The following ROCK2 variants were observed in gnomAD, a reference collection of about 807,000 sequenced individuals.
ROCK2 encodes the protein rho-associated protein kinase 2.
In ROCK2, 61 loss-of-function variants were observed where a neutral mutation model predicts 195.1. The observed-to-expected ratio is 0.31, with a 90% CI of 0.25 to 0.39. The LOEUF is 0.39. Ranked by LOEUF, ROCK2 falls within the 10% of genes least tolerant of loss-of-function variation. The pLI is 1.00. For missense variants in ROCK2, 1,109 were observed against 1,637.4 expected, an observed-to-expected ratio of 0.68 and a Z score of 5.57; for synonymous variants, 504 against 545.5, an observed-to-expected ratio of 0.92 and a Z score of 1.06.
chr2:11,344,546 C>G lies in ROCK2; in HGVS notation c.-410G>C. 1.0e-6 allele frequency: 1 copy of G among 966,634 alleles called. No homozygotes were observed. The highest frequency in any genetic ancestry group is 1.2e-6 in the Non-Finnish European group (1 of 813,908). The allele number at this position is 966,634 out of a possible 1,614,324, so 59.9% of individuals were successfully genotyped here. A position where few individuals can be genotyped will look rare whatever the true frequency, so the allele number is the denominator to read the frequency against. ...AAGCCCAGGCCTGGGCCACTACGGC[C>G]GCCGCCGGCCCGCTGCCATGGTCGC... On this transcript the variant is annotated 5_prime_UTR_variant, in exon 1 of 33. Coordinates refer to ENST00000315872, the MANE Select transcript of ROCK2 (RefSeq NM_004850.5). This position sits in a 1 kb window ranked among gnomAD's most constrained non-coding sequence, Gnocchi z 5.4.
chr2:11,272,322 C>G (rs1031736579), intron 3 of ROCK2, among the ~76,000 whole-genome samples: 1 of 152,114 alleles, frequency 6.6e-6, no homozygotes, highest in Admixed American at 6.5e-5. Context: ...AAGGTAAATA[C>G]ACACACAATT....
intron 3 of ROCK2, among the ~76,000 whole-genome samples, chr2:11,282,236 A>G (rs1042945165): frequency 6.6e-6 from 1 of 152,104 alleles, no homozygotes; most frequent in Non-Finnish European, 1.5e-5. Context: ...TTGTAGTCCC[A>G]GCTACTCGAG....
intron 1 of ROCK2, among the ~76,000 whole-genome samples, chr2:11,293,986 T>C (rs1667435830): frequency 6.6e-6 from 1 of 152,012 alleles, no homozygotes; most frequent in African/African-American, 2.4e-5. Flanking sequence ...GTGAAACTTG[T>C]CTCTACTAAA....
Position 11,287,709 on chromosome 2 carries a change from A to C in ROCK2, c.169T>G (p.Leu57Val). Residue 57 changes from leucine (L) to valine (V), a missense_variant, in exon 2 of 33, where the codon TTA becomes GTA. Around this residue, in one of 6 missense-constraint regions of ROCK2, gnomAD observed 253 missense variants for 455.5 expected, o/e 0.56. Coordinates refer to ENST00000315872, the MANE Select transcript of ROCK2 (RefSeq NM_004850.5). ...TTTTTCCTCAAAGCAGGAAAATCTA[A>C]ATCAAGGACCAAGGAATTTAAGCCA... ...LDGLNSLVLD[L>V]DFPALRKNKN... is the part of the protein sequence containing the mutation. 7.5e-7 allele frequency: 1 copy of C among 1,331,920 alleles called. No individual in the cohort carries two copies. Among genetic ancestry groups the C allele is most frequent in the Non-Finnish European group, 1.0e-6 (1 of 996,552 alleles). 82.5% of individuals were successfully genotyped at this position (1,331,920 alleles called of 1,614,324 possible).
chr2:11,269,591 T>C (rs1666552453), intron 3 of ROCK2, among the ~76,000 whole-genome samples: 1 of 152,206 alleles, frequency 6.6e-6, no homozygotes, highest in Non-Finnish European at 1.5e-5. Context: ...TCTTTTGATT[T>C]GTTTTTGTTT....
At chr2:11,324,167 T>C (rs1558394127) in intron 1 of ROCK2, among the ~76,000 whole-genome samples, 1 of 152,370 alleles carries the variant, frequency 6.6e-6, no homozygotes, top group South Asian at 2.1e-4. Flanking sequence ...CCGGGCACGG[T>C]GGCTCACGCC....
intron 17 of ROCK2, 29 bp from the exon 18 acceptor site, chr2:11,211,869 AC>A: frequency 1.3e-6 from 2 of 1,514,728 alleles, no homozygotes; most frequent in Non-Finnish European, 1.8e-6. Context: ...GCAGCTATCA[AC>A]AAAAAAGAGA....
At chr2:11,274,200 C>CTT (rs1192484451) in intron 3 of ROCK2, among the ~76,000 whole-genome samples, 1 of 151,094 alleles carries the variant, frequency 6.6e-6, no homozygotes, top group Non-Finnish European at 1.5e-5. Flanking sequence ...ATTTAAGAAA[C>CTT]TAGAAAGAGA....
chr2:11,216,249 C>T (rs563185214), intron 12 of ROCK2, 43 bp from the exon 13 acceptor site: 15 of 1,320,128 alleles, frequency 1.1e-5, no homozygotes, highest in Non-Finnish European at 1.4e-5. Context: ...TTCTAATTTA[C>T]AATAAAACAT....
intron 3 of ROCK2, among the ~76,000 whole-genome samples, chr2:11,273,117 C>T (rs1194582747): frequency 1.9e-4 from 13 of 67,652 alleles, no homozygotes; most frequent in Admixed American, 6.4e-4. Flanking sequence ...AAAAAAAAAG[C>T]TTTACAACAT....
In ROCK2 at chr2:11,183,405, C is replaced by T. The variant is rs188238543; in HGVS notation, c.*32G>A. ...TGTTTTCACTGGAAGAATACGATCA[C>T]CTTGAATAATGACTGCTTTCATAGA... is the stretch of plus-strand genomic sequence containing the variant. On this transcript the variant is annotated 3_prime_UTR_variant, in exon 33 of 33. Coordinates refer to ENST00000315872, the MANE Select transcript of ROCK2 (RefSeq NM_004850.5). 11 of 1,582,290 alleles carry T rather than the reference C, an allele frequency of 7.0e-6. No individual in the cohort carries two copies. The highest frequency in any genetic ancestry group is 7.8e-6 in the Non-Finnish European group (9 of 1,161,188).
chr2:11,336,211 G>A (rs1278025394), intron 1 of ROCK2, among the ~76,000 whole-genome samples: 1 of 152,170 alleles, frequency 6.6e-6, no homozygotes, highest in African/African-American at 2.4e-5. Context: ...CTCAGCCATA[G>A]TTGGTTGTCA....
intron 1 of ROCK2, among the ~76,000 whole-genome samples, chr2:11,290,252 A>G (rs1387109508): frequency 2.0e-5 from 3 of 152,180 alleles, no homozygotes; most frequent in Non-Finnish European, 4.4e-5. Context: ...GCAGTTTCAA[A>G]TAAACTTTCA....
At chr2:11,307,733 T>G (rs1667902708) in intron 1 of ROCK2, among the ~76,000 whole-genome samples, 1 of 152,228 alleles carries the variant, frequency 6.6e-6, no homozygotes, top group Admixed American at 6.5e-5. Flanking sequence ...CCACGGTTTC[T>G]GAATCCACTG....
chr2:11,213,296 A>G (rs1475106578), intron 17 of ROCK2, among the ~76,000 whole-genome samples: 1 of 152,120 alleles, frequency 6.6e-6, no homozygotes, highest in African/African-American at 2.4e-5. Context: ...TCCAATTTAA[A>G]GCCCTTAAGT....
Position 11,184,624 on chromosome 2 carries a change from G to A in ROCK2, c.4164-1184C>T, listed in dbSNP as rs113195652. On this transcript the variant is annotated intron_variant, in intron 32 of 32. Coordinates refer to ENST00000315872, the MANE Select transcript of ROCK2 (RefSeq NM_004850.5). ...CCAAGTGGCAAACCACATGCACTAC[G>A]TTGAAGTACTAAAATAACTGATTTT... 3.1e-3 allele frequency: 3,096 copies of A among 984,592 alleles called. 2 individuals carry two copies. The highest frequency in any genetic ancestry group is 3.6e-3 in the Non-Finnish European group (3,020 of 829,266). The allele number at this position is 984,592 out of a possible 1,614,324, so 61.0% of individuals were successfully genotyped here.
intron 4 of ROCK2, 45 bp from the exon 5 acceptor site, chr2:11,236,007 A>G: frequency 3.5e-6 from 5 of 1,438,530 alleles, no homozygotes; most frequent in Non-Finnish European, 4.6e-6. Flanking sequence ...AACCCAAACC[A>G]AAAATCATAA....
intron 5 of ROCK2, among the ~76,000 whole-genome samples, chr2:11,230,521 T>G (rs761593011): frequency 9.9e-5 from 15 of 152,036 alleles, no homozygotes; most frequent in Non-Finnish European, 2.9e-5. Context: ...TGTCAAATGA[T>G]AGAGAATAGG....
intron 3 of ROCK2, among the ~76,000 whole-genome samples, chr2:11,280,248 T>C (rs72787684): frequency 0.043 from 6,461 of 151,990 alleles, 278 homozygotes; most frequent in Non-Finnish European, 0.06. Flanking sequence ...TCTAGCCAGG[T>C]TGGCTAGAAG....
Sources: gnomAD v4.1 joint callset for allele counts (sites outside exome capture counted in the v4.1 genomes callset) on GRCh38, gnomAD v4.1.1 for gene constraint, gnomAD v4.1.1 regional missense constraint, Gnocchi (gnomAD v3.1) non-coding constraint, MANE v1.5 for transcripts, NCBI Gene and HGNC (gene_info 2026-07-23, HGNC 2026-07-21) for gene names.